GRM7: variants seen among roughly 807,000 people sequenced by gnomAD.
GRM7 encodes the protein metabotropic glutamate receptor 7.
A neutral mutation model predicts 84.5 loss-of-function variants in GRM7; 35 were observed. That is an observed-to-expected ratio of 0.41 (90% CI 0.32 to 0.55). The LOEUF is 0.55. Among genes scored for constraint, GRM7 ranks in the 20% least tolerant of loss-of-function variants. GRM7 has a pLI of 0.19. For missense variants in GRM7, 1,003 were observed against 1,194.6 expected (o/e 0.84, Z 2.36); for synonymous variants, 487 against 455.1 (o/e 1.07, Z -0.89).
chr3:7,465,046 T>C (rs1698407639), intron 7 of GRM7, among the ~76,000 whole-genome samples: 1 of 152,136 alleles, frequency 6.6e-6, no homozygotes, highest in Non-Finnish European at 1.5e-5. Context: ...TAGCACTCAG[T>C]TTAAAATATT....
At chr3:6,894,587 A>T (rs1696105489) in intron 1 of GRM7, among the ~76,000 whole-genome samples, 1 of 152,150 alleles carries the variant, frequency 6.6e-6, no homozygotes, top group East Asian at 1.9e-4. Context: ...GTATATATGT[A>T]TATACAAATA....
intron 1 of GRM7, among the ~76,000 whole-genome samples, chr3:7,012,174 G>A (rs1695396056): frequency 6.6e-6 from 1 of 152,100 alleles, no homozygotes; most frequent in Non-Finnish European, 1.5e-5. Flanking sequence ...GGAGAATCCT[G>A]TACATGAGTG....
At chr3:6,887,528 A>G (rs927437656) in intron 1 of GRM7, among the ~76,000 whole-genome samples, 5 of 151,960 alleles carry the variant, frequency 3.3e-5, no homozygotes, top group African/African-American at 1.2e-4. Context: ...ATGATTTCCA[A>G]TTTCATCCAT....
At chr3:7,456,239 G>A (rs1698003617) in intron 6 of GRM7, among the ~76,000 whole-genome samples, 1 of 151,956 alleles carries the variant, frequency 6.6e-6, no homozygotes, top group African/African-American at 2.4e-5. Context: ...GAGTTTTCTT[G>A]ATGGTTCTTC....
chr3:7,176,305 A>G (rs1472841620), intron 2 of GRM7, among the ~76,000 whole-genome samples: 22 of 149,450 alleles, frequency 1.5e-4, no homozygotes, highest in Admixed American at 1.5e-3. Flanking sequence ...CAGCTACTCT[A>G]GAGGCAAAGG....
At chr3:7,139,316 ATCTAG>A (rs1693870954) in intron 1 of GRM7, among the ~76,000 whole-genome samples, 1 of 151,802 alleles carries the variant, frequency 6.6e-6, no homozygotes, top group Non-Finnish European at 1.5e-5. Context: ...TGATCACAAC[ATCTAG>A]CATAACACAG....
At chr3:7,037,341 G>C (rs554626846) in intron 1 of GRM7, among the ~76,000 whole-genome samples, 3 of 152,144 alleles carry the variant, frequency 2.0e-5, no homozygotes, top group Admixed American at 2.0e-4. Flanking sequence ...AAAGAATCAG[G>C]ATGCTAGATT....
intron 1 of GRM7, among the ~76,000 whole-genome samples, chr3:6,898,050 ATTGGT>A (rs1696249539): frequency 6.6e-6 from 1 of 152,168 alleles, no homozygotes; most frequent in South Asian, 2.1e-4. Flanking sequence ...GGTGTTCTCC[ATTGGT>A]GAACCCAGTG....
At chr3:7,656,498 AAAAC>A (rs1230074739) in intron 8 of GRM7, among the ~76,000 whole-genome samples, 19 of 120,860 alleles carry the variant, frequency 1.6e-4, no homozygotes, top group South Asian at 6.0e-4. Flanking sequence ...TCTGTCTCAA[AAAAC>A]AAACAAACAA....
intron 1 of GRM7, among the ~76,000 whole-genome samples, chr3:7,000,231 G>A (rs907048347): frequency 1.9e-4 from 28 of 147,478 alleles, no homozygotes; most frequent in African/African-American, 2.5e-5. Flanking sequence ...GAGTTCAGTG[G>A]CACAATCTTG....
chr3:6,990,812 A>G (rs972265457), intron 1 of GRM7, among the ~76,000 whole-genome samples: 2 of 152,146 alleles, frequency 1.3e-5, no homozygotes, highest in East Asian at 1.9e-4. Flanking sequence ...TAATGTTTGA[A>G]AAAGCTAATC....
intron 1 of GRM7, among the ~76,000 whole-genome samples, chr3:6,980,282 A>T (rs1694148842): frequency 6.6e-6 from 1 of 152,136 alleles, no homozygotes; most frequent in Admixed American, 6.6e-5. Flanking sequence ...AATATTTTTG[A>T]GGCCATAGAC....
chr3:7,479,375 A>G (rs1482288633), intron 7 of GRM7, among the ~76,000 whole-genome samples: 1 of 151,874 alleles, frequency 6.6e-6, no homozygotes, highest in African/African-American at 2.4e-5. Flanking sequence ...ACTTATACCT[A>G]ACAATAGCAA....
intron 8 of GRM7, among the ~76,000 whole-genome samples, chr3:7,579,779 C>T (rs1412328954): frequency 6.6e-6 from 1 of 152,176 alleles, no homozygotes; most frequent in East Asian, 1.9e-4. Context: ...TGTAAATGCT[C>T]TCTCGCTCTT....
At chr3:7,512,854 A>G (rs942616655) in intron 7 of GRM7, among the ~76,000 whole-genome samples, 3 of 152,162 alleles carry the variant, frequency 2.0e-5, no homozygotes, top group Admixed American at 2.0e-4. Flanking sequence ...GGAGGTGACC[A>G]GTCTGGACTC....
intron 9 of GRM7, among the ~76,000 whole-genome samples, chr3:7,714,557 C>G (rs965805443): frequency 2.0e-5 from 3 of 152,168 alleles, no homozygotes; most frequent in African/African-American, 7.2e-5. Context: ...CAGATTGAGT[C>G]AGAATCTGCA....
chr3:7,367,074 G>C (rs7617656), intron 4 of GRM7, among the ~76,000 whole-genome samples: 151,905 of 151,906 alleles, frequency 1, 75,952 homozygotes, highest in Non-Finnish European at 1. Context: ...AGTTGTGCTA[G>C]TTAAGGTTTT....
chr3:6,972,998 G>A (rs1247991183), intron 1 of GRM7, among the ~76,000 whole-genome samples: 2 of 152,158 alleles, frequency 1.3e-5, no homozygotes, highest in Non-Finnish European at 2.9e-5. Flanking sequence ...CAAATAATAT[G>A]AGAGTCAGTT....
intron 1 of GRM7, among the ~76,000 whole-genome samples, chr3:6,998,762 T>A (rs1241387182): frequency 6.6e-6 from 1 of 152,224 alleles, no homozygotes; most frequent in African/African-American, 2.4e-5. Flanking sequence ...TCTGAAGCCA[T>A]GGCCTGAGCT....
Sources: gnomAD v4.1 joint callset for allele counts (sites outside exome capture counted in the v4.1 genomes callset) on GRCh38, gnomAD v4.1.1 for gene constraint, MANE v1.5 for transcripts, NCBI Gene and HGNC (gene_info 2026-07-23, HGNC 2026-07-21) for gene names.